SLC34A3: variants seen among roughly 807,000 people sequenced by gnomAD.
SLC34A3 encodes sodium-dependent phosphate transport protein 2C.
In SLC34A3, 60 loss-of-function variants were observed where a neutral mutation model predicts 43.9. The observed-to-expected ratio is 1.37, with a 90% confidence interval of 1.11 to 1.70. The LOEUF is 1.70. Among genes scored for constraint, SLC34A3 ranks in the 40% most tolerant of loss-of-function variants. The pLI is 0.00. For synonymous variants in SLC34A3, 451 were observed against 386.2 expected (o/e 1.17, Z -1.97); for missense variants, 969 against 823.8 (o/e 1.18, Z -2.16).
rs1836590354 is a variant in SLC34A3 at position 137,236,265 on chromosome 9, C to T, written c.1649C>T (p.Ala550Val). The change falls in exon 13 of 13, where the codon GCC becomes GTC. Residue 550 changes from alanine to valine, a missense_variant. Ala to Val is a moderately conservative substitution (Grantham distance 64). Coordinates refer to ENST00000673835, the MANE Select transcript of SLC34A3 (RefSeq NM_001177316.2). ...AWLPVRLRSW[A>V]WLPVWLHSLE... Reference sequence around the variant, plus strand: ...CTGCCTGTCCGCCTGCGCTCCTGGGCCTGGCTCCCCGTCTGGCTCCATTCT... The same window carrying T: ...CTGCCTGTCCGCCTGCGCTCCTGGGTCTGGCTCCCCGTCTGGCTCCATTCT... 5.8e-6 allele frequency: 9 copies of T among 1,543,538 alleles called. No individual in the cohort carries two copies. Among genetic ancestry groups the T allele is most frequent in the Non-Finnish European group, 7.8e-6 (9 of 1,147,242 alleles).
Position 137,232,995 on chromosome 9 carries a change from C to G in SLC34A3, c.449-9C>G, listed in dbSNP as rs377306924. The G allele has an allele frequency of 3.6e-5, 58 of 1,610,828 alleles. No individual in the cohort carries two copies. The highest frequency in any genetic ancestry group is 1.2e-4 in the Admixed American group (7 of 59,914). ...GGGCCGCAGGCTGACTCAGCCCCCC[C>G]ACCAGCAGTGCTGACTGTCCGGGTG... On this transcript the variant is annotated splice_polypyrimidine_tract_variant and intron_variant, in intron 5 of 12. Transcript: ENST00000673835.
rs2131418843 is a variant in SLC34A3 at position 137,234,786 on chromosome 9, A to C, written c.1335+55A>C. The C allele has an allele frequency of 6.3e-7, 1 of 1,598,666 alleles. No homozygotes were observed. The highest frequency in any genetic ancestry group is 2.2e-5 in the East Asian group (1 of 44,826). ...CTGGCCAGCTTCCTCTCAGCCCCAC[A>C]GACAGGAGTGTGTCACCAGCCCCGG... On this transcript the variant is annotated intron_variant, in intron 12 of 12. Coordinates refer to ENST00000673835, the MANE Select transcript of SLC34A3 (RefSeq NM_001177316.2). The surrounding 1 kb of genome is among the most constrained non-coding windows in gnomAD (Gnocchi z 6.9).
rs766112890 is a variant in SLC34A3 at position 137,233,115 on chromosome 9, G to A, written c.560G>A (p.Arg187Lys). The A allele has an allele frequency of 4.4e-6, 7 of 1,608,738 alleles. No homozygotes were observed. Among genetic ancestry groups the A allele is most frequent in the South Asian group, 1.1e-5 (1 of 90,644 alleles). ...AQSGDRDEFQRAFSGSAVHGI... is the reference protein window; with the variant it reads ...AQSGDRDEFQKAFSGSAVHGI... ...TCAGGGGACCGGGATGAATTTCAGAGGTGAGTTGTGGGTGGAAGGGCTGGG... is the reference window on the plus strand; with the variant it reads ...TCAGGGGACCGGGATGAATTTCAGAAGTGAGTTGTGGGTGGAAGGGCTGGG... Residue 187 changes from arginine to lysine, a missense_variant and splice_region_variant, in exon 6 of 13, where the codon AGG becomes AAG. Arg to Lys is a conservative substitution (Grantham distance 26). Transcript: ENST00000673835.
intron 8 of SLC34A3, 57 bp downstream of exon 8, chr9:137,233,779 T>TTGGGGCCCCCCCCCCCCCCCCCA: frequency 6.9e-7 from 1 of 1,445,818 alleles, no homozygotes; most frequent in Non-Finnish European, 9.6e-7. Context: ...TGCTGAGTCA[T>TTGGGGCCCCCCCCCCCCCCCCCA]CCCGCCCCAC....
At position 137,233,066 on chromosome 9, in the gene SLC34A3, A is replaced by T. The variant is rs766732598; in HGVS notation, c.511A>T (p.Ser171Cys). The change falls in exon 6 of 13, where the codon AGC (serine) becomes TGC (cysteine). Residue 171 changes from serine (S) to cysteine (C), a missense_variant. Transcript: ENST00000673835. The part of the protein sequence containing the change: ...MGVNVGTSIT[S>C]TLVSMAQSGD... Reference sequence around the variant, plus strand: ...TGTCAACGTAGGCACATCCATCACCAGCACCCTGGTCTCAATGGCGCAGTC... The same window carrying T: ...TGTCAACGTAGGCACATCCATCACCTGCACCCTGGTCTCAATGGCGCAGTC... 3 of 1,605,574 alleles carry T rather than the reference A, an allele frequency of 1.9e-6. No individual in the cohort carries two copies. The highest frequency in any genetic ancestry group is 2.6e-6 in the Non-Finnish European group (3 of 1,176,296).
intron 3 of SLC34A3, 34 bp downstream of exon 3, chr9:137,232,195 C>CA: frequency 6.3e-7 from 1 of 1,592,080 alleles, no homozygotes; most frequent in Non-Finnish European, 8.6e-7. Context: ...GGCAGGCTGG[C>CA]AGGCCTCTGT....
Position 137,236,180 on chromosome 9 carries a change from G to A in SLC34A3, c.1564G>A (p.Val522Met), listed in dbSNP as rs149912630. The A allele has an allele frequency of 3.1e-6, 5 of 1,604,928 alleles. No individual in the cohort carries two copies. The highest frequency in any genetic ancestry group is 4.2e-6 in the Non-Finnish European group (5 of 1,177,414). The change falls in exon 13 of 13, where the codon GTG (valine) becomes ATG (methionine). Residue 522 changes from valine to methionine, a missense_variant. By Grantham distance (21) the Val-to-Met change is conservative. Transcript: ENST00000673835. ...GCTGGCCGCTGTCGGGGGTCCCCTGGTGGGGCTGGTGCTCCTCGTCATCCT... is the reference window on the plus strand; with the variant it reads ...GCTGGCCGCTGTCGGGGGTCCCCTGATGGGGCTGGTGCTCCTCGTCATCCT... ...MELAAVGGPL[V>M]GLVLLVILVT... is the part of the protein sequence containing the mutation.
At chr9:137,235,470 C>T (rs1363605476) in intron 12 of SLC34A3, among the ~76,000 whole-genome samples, 1 of 152,184 alleles carries the variant, frequency 6.6e-6, no homozygotes, top group Non-Finnish European at 1.5e-5. Flanking sequence ...TCCTGCTCCA[C>T]CCCCTGCAGG....
In SLC34A3 at chr9:137,231,369, C is replaced by T. The variant is rs1400455448; in HGVS notation, c.-39-295C>T. 4.6e-5 allele frequency among the ~76,000 whole-genome samples: 7 copies of T among 152,192 alleles called. No individual in the cohort carries two copies. In the East Asian group the frequency reaches 1.3e-3, roughly 29 times the overall value. ...GGTCCCCAGGTTCCCCAGCTCATGG[C>T]CTGCACCCTCGGCACTAGCCTTCCA... On this transcript the variant is annotated intron_variant, in intron 1 of 12. Coordinates refer to ENST00000673835, the MANE Select transcript of SLC34A3 (RefSeq NM_001177316.2).
chr9:137,233,383 G>T lies in SLC34A3; in HGVS notation c.735G>T (p.Pro245=), dbSNP rs760991503. 6.2e-7 allele frequency: 1 copy of T among 1,604,478 alleles called. No homozygotes were observed. The highest frequency in any genetic ancestry group is 1.1e-5 in the South Asian group (1 of 90,246). ...ACATCCTCAAGGTGCTGACGAAGCC[G>T]CTCACACACCTCATCGTGCAGGTGA... ...APDILKVLTK[P]LTHLIVQLDS... is the part of the protein sequence containing the mutation. Residue 245 remains proline (P), a synonymous_variant, in exon 7 of 13, where the codon CCG becomes CCT. Coordinates refer to ENST00000673835, the MANE Select transcript of SLC34A3 (RefSeq NM_001177316.2).
At position 137,235,969 on chromosome 9, in the gene SLC34A3, C is replaced by G. The variant is rs755909510; in HGVS notation, c.1353C>G (p.Phe451Leu). Reference protein sequence around the residue: ...LSALQVALIHFFFNLAGILLW... With the variant: ...LSALQVALIHLFFNLAGILLW... Reference sequence around the variant, plus strand: ...GCCCCCAGGTCGCCCTCATCCACTTCTTCTTCAACCTGGCCGGCATCCTGC... The same window carrying G: ...GCCCCCAGGTCGCCCTCATCCACTTGTTCTTCAACCTGGCCGGCATCCTGC... Residue 451 changes from phenylalanine (F) to leucine (L), a missense_variant, in exon 13 of 13, where the codon TTC becomes TTG. By Grantham distance (22) the Phe-to-Leu change is conservative. Coordinates refer to ENST00000673835, the MANE Select transcript of SLC34A3 (RefSeq NM_001177316.2). The G allele has an allele frequency of 8.7e-6, 14 of 1,612,182 alleles. No homozygotes were observed. The highest frequency in any genetic ancestry group is 1.2e-5 in the Non-Finnish European group (14 of 1,179,870).
chr9:137,229,943 G>A (rs1015523721), upstream of SLC34A3, among the ~76,000 whole-genome samples: 38 of 152,068 alleles, frequency 2.5e-4, 1 homozygote, highest in Non-Finnish European at 1.5e-5. Context: ...GAGCCCCAGG[G>A]AAGGACTGCT....
Position 137,236,047 on chromosome 9 carries a change from C to G in SLC34A3, c.1431C>G (p.Phe477Leu). ...TGCCCATCCCGCTGGCCAGGCACTT[C>G]GGGGTGGTGACCGCCCGTTACCGCT... Reference protein sequence around the residue: ...LRLPIPLARHFGVVTARYRWV... With the variant: ...LRLPIPLARHLGVVTARYRWV... Residue 477 changes from phenylalanine (F) to leucine (L), a missense_variant, in exon 13 of 13, where the codon TTC becomes TTG. Coordinates refer to ENST00000673835, the MANE Select transcript of SLC34A3 (RefSeq NM_001177316.2). 1.2e-6 allele frequency: 2 copies of G among 1,612,602 alleles called. No individual in the cohort carries two copies. The highest frequency in any genetic ancestry group is 1.7e-6 in the Non-Finnish European group (2 of 1,179,860).
At position 137,232,594 on chromosome 9, in the gene SLC34A3, G is replaced by A. The variant is rs781272303; in HGVS notation, c.195G>A (p.Arg65=). 1.2e-6 allele frequency: 2 copies of A among 1,609,136 alleles called. No homozygotes were observed. Among genetic ancestry groups the A allele is most frequent in the East Asian group, 2.2e-5 (1 of 44,590 alleles). Residue 65 remains arginine (R), a synonymous_variant, in exon 4 of 13, where the codon AGG becomes AGA. Transcript: ENST00000673835. The part of the protein sequence containing the change: ...QPWKELRVAG[R]LRRVAGSVLK... ...CCTCAGAGCTCCGCGTGGCCGGCAG[G>A]CTGCGCCGCGTGGCCGGCAGCGTCC...
At chr9:137,233,538 GT>G in intron 7 of SLC34A3, 94 bp from the exon 8 acceptor site, 2 of 1,553,490 alleles carry the variant, frequency 1.3e-6, no homozygotes, top group Non-Finnish European at 1.8e-6. Flanking sequence ...GAGGGCAGCA[GT>G]GGGCAGGGCT....
Position 137,234,818 on chromosome 9 carries a change from A to C in SLC34A3, c.1335+87A>C. On this transcript the variant is annotated intron_variant, in intron 12 of 12. Coordinates refer to ENST00000673835, the MANE Select transcript of SLC34A3 (RefSeq NM_001177316.2). The surrounding 1 kb of genome is among the most constrained non-coding windows in gnomAD (Gnocchi z 6.9). ...AGTGTGTCACCAGCCCCGGGGCCCTAGGCTGGCTGTGCCCCCGCCTTCCTG... is the reference window on the plus strand; with the variant it reads ...AGTGTGTCACCAGCCCCGGGGCCCTCGGCTGGCTGTGCCCCCGCCTTCCTG... 2 of 1,580,958 alleles carry C rather than the reference A, an allele frequency of 1.3e-6. No homozygotes were observed. The highest frequency in any genetic ancestry group is 8.6e-7 in the Non-Finnish European group (1 of 1,166,570).
upstream of SLC34A3, among the ~76,000 whole-genome samples, chr9:137,230,164 C>T (rs1476491492): frequency 6.6e-6 from 1 of 152,140 alleles, no homozygotes; most frequent in African/African-American, 2.4e-5. Flanking sequence ...GCCCAGTCCT[C>T]CTAGGGGACA....
Position 137,234,574 on chromosome 9 carries a change from C to G in SLC34A3, c.1211-33C>G, listed in dbSNP as rs771707151. On this transcript the variant is annotated intron_variant, in intron 11 of 12. Coordinates refer to ENST00000673835, the MANE Select transcript of SLC34A3 (RefSeq NM_001177316.2). This position sits in a 1 kb window ranked among gnomAD's most constrained non-coding sequence, Gnocchi z 6.9. The stretch of plus-strand genomic sequence containing the variant: ...GAGGCCTCGGGAACGGGGGCTCGGG[C>G]TGGGGTCCTGTGGTGACTCCCAGTT... 1.2e-6 allele frequency: 2 copies of G among 1,610,778 alleles called. No individual in the cohort carries two copies. Among genetic ancestry groups the G allele is most frequent in the Non-Finnish European group, 1.7e-6 (2 of 1,178,856 alleles).
Position 137,234,079 on chromosome 9 carries a change from C to T in SLC34A3, c.926-30C>T. ...CCCACCCCGGCCCACCCCCCAGGCTCCCCCTCACCTGCCCCTGCCCTGCCC... is the reference window on the plus strand; with the variant it reads ...CCCACCCCGGCCCACCCCCCAGGCTTCCCCTCACCTGCCCCTGCCCTGCCC... On this transcript the variant is annotated intron_variant, in intron 9 of 12. Transcript: ENST00000673835. This position sits in a 1 kb window ranked among gnomAD's most constrained non-coding sequence, Gnocchi z 6.9. 8 of 1,501,010 alleles carry T rather than the reference C, an allele frequency of 5.3e-6. No individual in the cohort carries two copies. Among genetic ancestry groups the T allele is most frequent in the Non-Finnish European group, 7.2e-6 (8 of 1,116,442 alleles). 93.0% of individuals were successfully genotyped at this position (1,501,010 alleles called of 1,614,324 possible). A position where few individuals can be genotyped will look rare whatever the true frequency, so the allele number is the denominator to read the frequency against.
Sources: gnomAD v4.1 joint callset for allele counts (sites outside exome capture counted in the v4.1 genomes callset) on GRCh38, gnomAD v4.1.1 for gene constraint, Gnocchi (gnomAD v3.1) non-coding constraint, MANE v1.5 for transcripts, NCBI Gene and HGNC (gene_info 2026-07-23, HGNC 2026-07-21) for gene names.